LDLRAD4: variants seen among roughly 807,000 people sequenced by gnomAD.
LDLRAD4 encodes low-density lipoprotein receptor class A domain-containing protein 4.
In LDLRAD4, 5 loss-of-function variants were observed where a neutral mutation model predicts 17.0. The ratio of observed to expected loss-of-function variants is 0.29; its 90% CI spans 0.15 to 0.62. The LOEUF (loss-of-function observed/expected upper bound fraction) is 0.62, where lower values mean the gene tolerates loss of function less well. Among genes scored for constraint, LDLRAD4 ranks in the 20% least tolerant of loss-of-function variants. The pLI, the probability that LDLRAD4 is intolerant of heterozygous loss-of-function variation, is 0.84. For synonymous variants in LDLRAD4, 168 were observed against 171.8 expected (o/e 0.98, Z 0.17); for missense variants, 340 against 424.7 (o/e 0.80, Z 1.75).
intron 4 of LDLRAD4, among the ~76,000 whole-genome samples, chr18:13,627,474 A>G (rs2041279265): frequency 6.6e-6 from 1 of 152,096 alleles, no homozygotes; most frequent in Non-Finnish European, 1.5e-5. Flanking sequence ...GTGGGTTTGC[A>G]CGTGGGGGTT....
At chr18:13,376,083 A>C (rs747970729) in intron 1 of LDLRAD4, among the ~76,000 whole-genome samples, 20 of 151,684 alleles carry the variant, frequency 1.3e-4, no homozygotes, top group Non-Finnish European at 2.1e-4. Context: ...ACTTCATCAG[A>C]CTCTGGGAGG....
At chr18:13,623,263 G>A (rs1043301714) in intron 4 of LDLRAD4, among the ~76,000 whole-genome samples, 5 of 152,230 alleles carry the variant, frequency 3.3e-5, no homozygotes, top group Admixed American at 6.5e-5. Context: ...GTGACAGAGC[G>A]ATGTTCAGAG....
At chr18:13,611,243 CTT>C in intron 3 of LDLRAD4, 1 of 155,802 alleles carries the variant, frequency 6.4e-6, no homozygotes, top group Admixed American at 6.5e-5. Context: ...TTTAGTTTTG[CTT>C]TGACAACTCC....
intron 3 of LDLRAD4, among the ~76,000 whole-genome samples, chr18:13,438,629 G>A (rs1307989840): frequency 6.6e-6 from 1 of 152,240 alleles, no homozygotes; most frequent in African/African-American, 2.4e-5. Flanking sequence ...GTTTGTCTGA[G>A]CAATGCCTGG....
At chr18:13,219,240 G>T (rs1364965657) in intron 1 of LDLRAD4, among the ~76,000 whole-genome samples, 1 of 152,110 alleles carries the variant, frequency 6.6e-6, no homozygotes, top group Non-Finnish European at 1.5e-5. Flanking sequence ...AGTCAGGGCA[G>T]CTAGAAGCTC....
intron 2 of LDLRAD4, among the ~76,000 whole-genome samples, chr18:13,393,016 T>C (rs1235973183): frequency 1.3e-5 from 2 of 152,192 alleles, no homozygotes; most frequent in African/African-American, 4.8e-5. Context: ...GTTTCCCCTG[T>C]GGGCTCCGAG....
At chr18:13,642,440 C>T in intron 4 of LDLRAD4, 2 of 1,175,006 alleles carry the variant, frequency 1.7e-6, no homozygotes, top group African/African-American at 3.2e-5. Context: ...AGAACCTTTA[C>T]TGAGGCCTGT....
chr18:13,470,387 A>G (rs1376291454), intron 3 of LDLRAD4, among the ~76,000 whole-genome samples: 1 of 151,818 alleles, frequency 6.6e-6, no homozygotes, highest in Non-Finnish European at 1.5e-5. Context: ...ATGGTTAGAA[A>G]ATCATACTGT....
At chr18:13,259,286 C>T (rs561782462) in intron 1 of LDLRAD4, among the ~76,000 whole-genome samples, 58 of 152,256 alleles carry the variant, frequency 3.8e-4, no homozygotes, top group South Asian at 1.2e-3. Flanking sequence ...TGTATCCTCC[C>T]GCCTTAGTCT....
At chr18:13,525,701 A>G (rs2094019572) in intron 3 of LDLRAD4, among the ~76,000 whole-genome samples, 1 of 152,214 alleles carries the variant, frequency 6.6e-6, no homozygotes, top group South Asian at 2.1e-4. Context: ...GCTGGGTGGG[A>G]ACCAGAACTC....
intron 3 of LDLRAD4, among the ~76,000 whole-genome samples, chr18:13,590,038 T>C (rs1568376737): frequency 6.8e-6 from 1 of 147,840 alleles, no homozygotes; most frequent in Non-Finnish European, 1.5e-5. Flanking sequence ...GGTGTGCATG[T>C]GTGTGAGTGT....
At chr18:13,269,195 C>G (rs1400700428) in intron 1 of LDLRAD4, among the ~76,000 whole-genome samples, 2 of 152,146 alleles carry the variant, frequency 1.3e-5, no homozygotes, top group Admixed American at 6.5e-5. Flanking sequence ...TTTATTTTTA[C>G]CCTTATTAAT....
At chr18:13,422,625 G>A (rs1278116295) in intron 2 of LDLRAD4, among the ~76,000 whole-genome samples, 1 of 152,054 alleles carries the variant, frequency 6.6e-6, no homozygotes, top group Admixed American at 6.5e-5. Flanking sequence ...TTGAGCCCAG[G>A]TGTTGGAGGC....
At chr18:13,546,335 C>T (rs1324603938) in intron 3 of LDLRAD4, among the ~76,000 whole-genome samples, 2 of 152,058 alleles carry the variant, frequency 1.3e-5, no homozygotes, top group East Asian at 3.9e-4. Context: ...TGAAGTGGCT[C>T]AACAATAAAA....
At chr18:13,286,664 T>C (rs1201579098) in intron 1 of LDLRAD4, among the ~76,000 whole-genome samples, 1 of 152,194 alleles carries the variant, frequency 6.6e-6, no homozygotes, top group Admixed American at 6.5e-5. Flanking sequence ...CCACTGCACT[T>C]TTCAGAGGAG....
chr18:13,438,290 G>A (rs1440068342), exon 3 of LDLRAD4: 2 of 1,613,658 alleles, frequency 1.2e-6, no homozygotes, highest in East Asian at 2.2e-5. Flanking sequence ...ATCTTGGTTC[G>A]CTGGTCTGTA....
At position 13,286,473 on chromosome 18, in the gene LDLRAD4, G is replaced by A. The variant is rs2045627735; in HGVS notation, c.-383+8285G>A. Among the ~76,000 whole-genome samples, 2 of 152,234 alleles carry A rather than the reference G, an allele frequency of 1.3e-5. 1 individual carries two copies. Among genetic ancestry groups the A allele is most frequent in the South Asian group, 4.1e-4 (2 of 4,826 alleles). On this transcript the variant is annotated intron_variant, in intron 1 of 5. Coordinates refer to ENST00000359446, the Ensembl canonical transcript of LDLRAD4. ...CTGCAGCCTCAACTTACTGGTTCAA[G>A]CAATCTTCCTGCCTCAGCCTCCTGA...
At chr18:13,318,661 T>A (rs541108952) in intron 1 of LDLRAD4, among the ~76,000 whole-genome samples, 1 of 152,360 alleles carries the variant, frequency 6.6e-6, no homozygotes, top group Non-Finnish European at 1.5e-5. Context: ...AGCTTGATGC[T>A]GCTCTTAATG....
chr18:13,322,879 C>T (rs2081331500), intron 1 of LDLRAD4, among the ~76,000 whole-genome samples: 1 of 151,768 alleles, frequency 6.6e-6, no homozygotes, highest in African/African-American at 2.4e-5. Context: ...CCTGTCTCGG[C>T]CTCCCAAATT....
Sources: allele counts gnomAD v4.1 joint callset (sites outside exome capture counted in the v4.1 genomes callset), GRCh38; gene constraint gnomAD v4.1.1; transcripts MANE v1.5; gene names NCBI Gene and HGNC (gene_info 2026-07-23, HGNC 2026-07-21).